Variants in CFAP298 observed in about 807,000 individuals in gnomAD.
CFAP298 encodes the protein cilia- and flagella-associated protein 298.
CFAP298 carries 38 observed loss-of-function variants against 41.0 expected under a neutral mutation model. The ratio of observed to expected loss-of-function variants is 0.93; its 90% CI spans 0.72 to 1.22. The LOEUF (loss-of-function observed/expected upper bound fraction) is 1.22. CFAP298 is among the 50% of genes most tolerant of loss of function. The pLI, the probability that CFAP298 is intolerant of heterozygous loss-of-function variation, is 0.00. For missense variants in CFAP298, 348 were observed against 360.3 expected, an observed-to-expected ratio of 0.97 and a Z score of 0.28; for synonymous variants, 137 against 135.3, an observed-to-expected ratio of 1.01 and a Z score of -0.09.
At chr21:32,611,338 T>TATATATATATATATAAAA (rs954890218) in intron 1 of CFAP298, among the ~76,000 whole-genome samples, 2 of 132,378 alleles carry the variant, frequency 1.5e-5, no homozygotes, top group South Asian at 2.4e-4. Context: ...TATATATATA[T>TATATATATATATATAAAA]AATTTATTTA....
In CFAP298 at chr21:32,607,594, CA is replaced by C. The variant is rs560584894; in HGVS notation, c.375+54del. ...GGCAACAAAAGCAAAATTCCATCTC[CA>C]AAAAAAAAAAAAAAAACCCAACAAG... On this transcript the variant is annotated intron_variant, in intron 3 of 6. Coordinates refer to ENST00000290155, the MANE Select transcript of CFAP298 (RefSeq NM_021254.4). 109,942 of 807,992 alleles carry C rather than the reference CA, an allele frequency of 0.14. 26 individuals carry two copies. Among genetic ancestry groups the C allele is most frequent in the Admixed American group, 0.16 (4,690 of 29,202 alleles). The allele number at this position is 807,992 out of a possible 1,614,324, so 50.1% of individuals were successfully genotyped here.
Position 32,603,234 on chromosome 21 carries a change from A to G in CFAP298, c.593T>C (p.Leu198Pro). ...GTCTGAAAGCTTCTTCGTTCTTCTC[A>G]GCTCCTTGGCTGCCCACCACAGCTG... ...EAQLWWAAKE[L>P]RRTKKLSDYV... The change falls in exon 5 of 7, where the codon CTG becomes CCG. Residue 198 changes from leucine to proline, a missense_variant. Leu to Pro is a moderately conservative substitution (Grantham distance 98). Coordinates refer to ENST00000290155, the MANE Select transcript of CFAP298 (RefSeq NM_021254.4). 6.2e-7 allele frequency: 1 copy of G among 1,614,166 alleles called. No individual in the cohort carries two copies.
chr21:32,606,279 A>G (rs2038864979), intron 3 of CFAP298, among the ~76,000 whole-genome samples: 1 of 152,222 alleles, frequency 6.6e-6, no homozygotes, highest in Admixed American at 6.5e-5. Context: ...GTGAAGCAAG[A>G]TGTCAGGGGG....
At chr21:32,603,010 G>T in intron 5 of CFAP298, 151 bp downstream of exon 5, 1 of 1,121,492 alleles carries the variant, frequency 8.9e-7, no homozygotes. Context: ...TTGTTGGTGT[G>T]CAGGAAGAGG....
intron 1 of CFAP298, among the ~76,000 whole-genome samples, chr21:32,610,951 C>A (rs1427087337): frequency 6.6e-6 from 1 of 152,162 alleles, no homozygotes. Flanking sequence ...CCGTCAAGTT[C>A]AAAAACTATG....
intron 2 of CFAP298, 96 bp downstream of exon 2, chr21:32,609,742 G>A (rs1490309324): frequency 1.6e-5 from 19 of 1,163,274 alleles, no homozygotes; most frequent in East Asian, 2.4e-5. Context: ...TCCAGCCTGG[G>A]CTAGAGCAAG....
intron 4 of CFAP298, 95 bp downstream of exon 4, chr21:32,604,030 A>G (rs2038810396): frequency 1.6e-6 from 2 of 1,246,922 alleles, no homozygotes; most frequent in Non-Finnish European, 2.3e-6. Flanking sequence ...CTGTGTAGGG[A>G]GCAAAACACT....
At chr21:32,608,977 C>A (rs1407058919) in intron 2 of CFAP298, among the ~76,000 whole-genome samples, 1 of 152,134 alleles carries the variant, frequency 6.6e-6, no homozygotes, top group African/African-American at 2.4e-5. Context: ...GCTTTTAATG[C>A]AGGTTAAAAA....
chr21:32,607,816 C>A, intron 2 of CFAP298, 100 bp from the exon 3 acceptor site: 1 of 736,928 alleles, frequency 1.4e-6, no homozygotes. Context: ...GGTAAATGAA[C>A]TGAGAGAGAG....
At chr21:32,609,445 G>C (rs2038940175) in intron 2 of CFAP298, among the ~76,000 whole-genome samples, 1 of 152,196 alleles carries the variant, frequency 6.6e-6, no homozygotes, top group Non-Finnish European at 1.5e-5. Context: ...ACAGTATTTT[G>C]TAAGTCTGTA....
intron 3 of CFAP298, among the ~76,000 whole-genome samples, chr21:32,606,865 CT>C (rs1397918409): frequency 1.3e-5 from 2 of 152,198 alleles, no homozygotes; most frequent in Non-Finnish European, 2.9e-5. Context: ...TACACATTAT[CT>C]GTATATCAAT....
chr21:32,612,023 C>G, intron 1 of CFAP298, 82 bp downstream of exon 1: 1 of 1,417,510 alleles, frequency 7.1e-7, no homozygotes, highest in Non-Finnish European at 9.3e-7. Context: ...CAAACCTGAC[C>G]CCTCGGCCCA....
At chr21:32,604,374 G>T in intron 3 of CFAP298, 91 bp from the exon 4 acceptor site, 1 of 1,413,164 alleles carries the variant, frequency 7.1e-7, no homozygotes, top group Non-Finnish European at 9.9e-7. Context: ...GCCAGATACT[G>T]CCAGAGCAAC....
intron 1 of CFAP298, among the ~76,000 whole-genome samples, chr21:32,610,432 T>C (rs962861954): frequency 6.6e-6 from 1 of 152,272 alleles, no homozygotes; most frequent in East Asian, 1.9e-4. Flanking sequence ...CTAGAACTCC[T>C]AGGCTCAAGT....
At chr21:32,611,333 ATATATAATTT>A (rs995920251) in intron 1 of CFAP298, among the ~76,000 whole-genome samples, 2 of 135,958 alleles carry the variant, frequency 1.5e-5, no homozygotes, top group African/African-American at 3.1e-5. Context: ...ATATATATAT[ATATATAATTT>A]ATTTATATTT....
Position 32,602,355 on chromosome 21 carries a change from C to T in CFAP298, c.679G>A (p.Ala227Thr), listed in dbSNP as rs1235842780. The change falls in exon 6 of 7, where the codon GCT (alanine) becomes ACT (threonine). Residue 227 changes from alanine to threonine, a missense_variant. By Grantham distance (58) the Ala-to-Thr change is moderately conservative (BLOSUM62 0). Transcript: ENST00000290155. ...CTAATAATAGGCTCTCGGGCTGGAG[C>T]TCCCTGTCCCCTCTGCAAAGAGGAG... ...IAKIQQRGQGAPAREPIISSE... is the reference protein window; with the variant it reads ...IAKIQQRGQGTPAREPIISSE... The T allele has an allele frequency of 1.2e-6, 2 of 1,613,294 alleles. No homozygotes were observed. Among genetic ancestry groups the T allele is most frequent in the African/African-American group, 1.3e-5 (1 of 75,052 alleles).
intron 3 of CFAP298, among the ~76,000 whole-genome samples, chr21:32,605,874 G>A (rs946055860): frequency 6.6e-6 from 1 of 152,204 alleles, no homozygotes; most frequent in Non-Finnish European, 1.5e-5. Context: ...TGTCAGAACG[G>A]AATTGAATTG....
At position 32,612,263 on chromosome 21, in the gene CFAP298, T is replaced by C. The variant is rs374988719; in HGVS notation, c.-20A>G. The C allele has an allele frequency of 3.2e-5, 47 of 1,464,602 alleles. No individual in the cohort carries two copies. The African/African-American group carries it at 5.6e-4, about 17-fold the overall frequency. The allele number at this position is 1,464,602 out of a possible 1,614,324, so 90.7% of individuals were successfully genotyped here. On this transcript the variant is annotated 5_prime_UTR_variant, in exon 1 of 7. Coordinates refer to ENST00000290155, the MANE Select transcript of CFAP298 (RefSeq NM_021254.4). ...AACCATGGCGGTCCCGCCGAGGTAC[T>C]GAGGCGTTGAGAAGGCCCCGGCTGC... is the stretch of plus-strand genomic sequence containing the variant.
In CFAP298 at chr21:32,604,188, C is replaced by G; in HGVS notation, c.471G>C (p.Gly157=). Residue 157 remains glycine, a synonymous_variant, in exon 4 of 7, where the codon GGG becomes GGC. Coordinates refer to ENST00000290155, the MANE Select transcript of CFAP298 (RefSeq NM_021254.4). Reference sequence around the variant, plus strand: ...TGCGGATGGGATCATACGGTGGCAACCCCATGGGGTAAACAATCATCACCG... The same window carrying G: ...TGCGGATGGGATCATACGGTGGCAAGCCCATGGGGTAAACAATCATCACCG... ...RGAVMIVYPM[G]LPPYDPIRME... The G allele has an allele frequency of 6.2e-7, 1 of 1,614,098 alleles. No homozygotes were observed. Among genetic ancestry groups the G allele is most frequent in the Non-Finnish European group, 8.5e-7 (1 of 1,180,002 alleles).
Sources: allele counts gnomAD v4.1 joint callset (sites outside exome capture counted in the v4.1 genomes callset), GRCh38; gene constraint gnomAD v4.1.1; transcripts MANE v1.5; gene names NCBI Gene and HGNC (gene_info 2026-07-23, HGNC 2026-07-21).